Variants in CALCRL observed in about 807,000 individuals in gnomAD.
The protein encoded by CALCRL is calcitonin gene-related peptide type 1 receptor.
Under a neutral mutation model 60.4 loss-of-function variants are expected in CALCRL, and 27 were observed. That is an observed-to-expected ratio of 0.45 (90% CI 0.33 to 0.62). The LOEUF (loss-of-function observed/expected upper bound fraction) is 0.62, where lower values mean the gene tolerates loss of function less well. CALCRL is among the 20% of genes least tolerant of loss of function. The pLI is 0.03. For synonymous variants in CALCRL, 190 were observed against 182.6 expected, an observed-to-expected ratio of 1.04 and a Z score of -0.33; for missense variants, 424 against 540.7, an observed-to-expected ratio of 0.78 and a Z score of 2.14.
intron 1 of CALCRL, among the ~76,000 whole-genome samples, chr2:187,418,177 T>C (rs1689701838): frequency 6.6e-6 from 1 of 152,204 alleles, no homozygotes; most frequent in Admixed American, 6.5e-5. Flanking sequence ...TGTGGAATTA[T>C]CCATGCTAAT....
chr2:187,400,389 G>GT, intron 1 of CALCRL, among the ~76,000 whole-genome samples: 1 of 151,510 alleles, frequency 6.6e-6, no homozygotes. Context: ...AATAACAAGT[G>GT]TAAGAAAGAA....
At chr2:187,392,853 G>GTCA (rs1688507346) in intron 1 of CALCRL, among the ~76,000 whole-genome samples, 1 of 152,048 alleles carries the variant, frequency 6.6e-6, no homozygotes, top group African/African-American at 2.4e-5. Flanking sequence ...ACAGGCTTGA[G>GTCA]CTCCTGCACC....
chr2:187,409,368 T>C (rs1460838550), intron 1 of CALCRL, among the ~76,000 whole-genome samples: 1 of 152,192 alleles, frequency 6.6e-6, no homozygotes, highest in Non-Finnish European at 1.5e-5. Flanking sequence ...ATATTTTCTT[T>C]CTAAAATACT....
chr2:187,437,707 T>A (rs1304088883), intron 1 of CALCRL, among the ~76,000 whole-genome samples: 1 of 152,202 alleles, frequency 6.6e-6, no homozygotes, highest in Non-Finnish European at 1.5e-5. Flanking sequence ...TGTTGTTTGA[T>A]AATGACTGTA....
intron 1 of CALCRL, among the ~76,000 whole-genome samples, chr2:187,397,747 T>A (rs1688723092): frequency 6.6e-6 from 1 of 151,644 alleles, no homozygotes; most frequent in Non-Finnish European, 1.5e-5. Context: ...ACTCTATGTC[T>A]TTGTGTGTAC....
intron 4 of CALCRL, among the ~76,000 whole-genome samples, chr2:187,384,224 C>T (rs1247424984): frequency 6.6e-6 from 1 of 152,090 alleles, no homozygotes; most frequent in Non-Finnish European, 1.5e-5. Context: ...TCTTTCATTC[C>T]TTTGTTGTTT....
At chr2:187,361,886 T>G (rs1687070986) in intron 9 of CALCRL, among the ~76,000 whole-genome samples, 1 of 151,950 alleles carries the variant, frequency 6.6e-6, no homozygotes. Flanking sequence ...TAAATGTATC[T>G]GCAGAATACG....
chr2:187,364,765 T>C (rs937279874), intron 8 of CALCRL, among the ~76,000 whole-genome samples: 1 of 152,176 alleles, frequency 6.6e-6, no homozygotes, highest in Admixed American at 6.5e-5. Context: ...TGGAGGCATA[T>C]TTGATCCAAA....
At chr2:187,369,170 C>T (rs1020737806) in intron 8 of CALCRL, among the ~76,000 whole-genome samples, 7 of 152,064 alleles carry the variant, frequency 4.6e-5, no homozygotes, top group Non-Finnish European at 7.4e-5. Flanking sequence ...TATCAGACTG[C>T]ATAAGGAATA....
chr2:187,367,211 C>T (rs1687337985), intron 8 of CALCRL, among the ~76,000 whole-genome samples: 1 of 152,062 alleles, frequency 6.6e-6, no homozygotes, highest in South Asian at 2.1e-4. Flanking sequence ...ATAGTCCACC[C>T]TATACAACTC....
chr2:187,393,674 T>C (rs751529555), intron 1 of CALCRL, among the ~76,000 whole-genome samples: 1 of 152,132 alleles, frequency 6.6e-6, no homozygotes, highest in Non-Finnish European at 1.5e-5. Flanking sequence ...AGATTGCTTA[T>C]GAAATAAATT....
chr2:187,432,224 G>A (rs901215151), intron 1 of CALCRL, among the ~76,000 whole-genome samples: 5 of 152,096 alleles, frequency 3.3e-5, no homozygotes, highest in East Asian at 1.9e-4. Context: ...TTACATAAAT[G>A]TAGTTTACAT....
intron 1 of CALCRL, among the ~76,000 whole-genome samples, chr2:187,424,190 G>A (rs1233159076): frequency 1.3e-5 from 2 of 152,036 alleles, no homozygotes; most frequent in East Asian, 3.9e-4. Context: ...TGGTTGGCAG[G>A]TCCATTTGCC....
chr2:187,415,734 G>T, intron 1 of CALCRL: 1 of 524,398 alleles, frequency 1.9e-6, no homozygotes, highest in East Asian at 4.1e-5. Flanking sequence ...TCAGTGAGGG[G>T]GCTGGCATTG....
At chr2:187,352,010 T>A in intron 13 of CALCRL, 49 bp from the exon 14 acceptor site, 1 of 1,553,410 alleles carries the variant, frequency 6.4e-7, no homozygotes, top group South Asian at 1.1e-5. Context: ...AAGATACATG[T>A]ATTTGTAATC....
At chr2:187,366,146 G>A (rs990802884) in intron 8 of CALCRL, among the ~76,000 whole-genome samples, 1 of 149,368 alleles carries the variant, frequency 6.7e-6, no homozygotes, top group Admixed American at 6.8e-5. Flanking sequence ...GGGAGGCTGA[G>A]GCAGGAGAAT....
chr2:187,443,053 T>C (rs1690996135), intron 1 of CALCRL, among the ~76,000 whole-genome samples: 1 of 151,852 alleles, frequency 6.6e-6, no homozygotes. Flanking sequence ...CTTTTTAAAT[T>C]GTTAATATGC....
At chr2:187,419,038 T>C (rs1312677205) in intron 1 of CALCRL, among the ~76,000 whole-genome samples, 2 of 146,480 alleles carry the variant, frequency 1.4e-5, no homozygotes, top group African/African-American at 5.0e-5. Context: ...TTTTTTTTTT[T>C]TTTTTTTTTG....
chr2:187,400,051 TA>T (rs1463472133), intron 1 of CALCRL, among the ~76,000 whole-genome samples: 1 of 151,394 alleles, frequency 6.6e-6, no homozygotes, highest in Non-Finnish European at 1.5e-5. Flanking sequence ...TAAATACAGT[TA>T]AAAATAATTT....
Sources: gnomAD v4.1 joint callset for allele counts (sites outside exome capture counted in the v4.1 genomes callset) on GRCh38, gnomAD v4.1.1 for gene constraint, MANE v1.5 for transcripts, NCBI Gene and HGNC (gene_info 2026-07-23, HGNC 2026-07-21) for gene names.